The following VPS13D variants were observed in gnomAD, a reference collection of about 807,000 sequenced individuals.
The protein encoded by VPS13D is intermembrane lipid transfer protein VPS13D.
In VPS13D, 187 loss-of-function variants were observed where a neutral mutation model predicts 461.9. The observed-to-expected ratio is 0.40, with a 90% CI of 0.36 to 0.46. VPS13D has a LOEUF of 0.46. VPS13D is among the 20% of genes least tolerant of loss of function. The pLI, the probability that VPS13D is intolerant of heterozygous loss-of-function variation, is 0.60. For synonymous variants in VPS13D, 1,951 were observed against 1,986.3 expected, an observed-to-expected ratio of 0.98 and a Z score of 0.47; for missense variants, 4,711 against 5,364.9, an observed-to-expected ratio of 0.88 and a Z score of 3.81.
intron 60 of VPS13D, among the ~76,000 whole-genome samples, chr1:12,394,158 T>A (rs995420560): frequency 3.9e-5 from 6 of 152,152 alleles, no homozygotes; most frequent in African/African-American, 1.4e-4. Context: ...GGATCCGGCC[T>A]CCCCTTCATT....
At chr1:12,230,163 G>C (rs890765092) in intron 1 of VPS13D, 43 bp downstream of exon 1, 3 of 152,172 alleles carry the variant, frequency 2.0e-5, no homozygotes, top group African/African-American at 7.2e-5. Flanking sequence ...CCAGGGTCGG[G>C]AACTGCAGGG....
chr1:12,321,403 A>G (rs1643031816), intron 32 of VPS13D, among the ~76,000 whole-genome samples: 1 of 152,174 alleles, frequency 6.6e-6, no homozygotes. Context: ...CTTAAAATCC[A>G]TATGGTCTTT....
At chr1:12,445,501 G>A (rs908308615) in intron 65 of VPS13D, among the ~76,000 whole-genome samples, 2 of 152,150 alleles carry the variant, frequency 1.3e-5, no homozygotes, top group South Asian at 2.1e-4. Context: ...AAGTAGATGG[G>A]TGTGAATTTT....
intron 54 of VPS13D, among the ~76,000 whole-genome samples, chr1:12,371,019 A>G (rs1644107645): frequency 6.6e-6 from 1 of 152,260 alleles, no homozygotes; most frequent in Non-Finnish European, 1.5e-5. Flanking sequence ...CTTGGAAGGA[A>G]TAAATGATGA....
chr1:12,479,340 G>T (rs1027038104), intron 67 of VPS13D, among the ~76,000 whole-genome samples: 1 of 152,210 alleles, frequency 6.6e-6, no homozygotes, highest in Non-Finnish European at 1.5e-5. Context: ...CCTGTGCTTT[G>T]TCCATGGTGT....
At chr1:12,236,652 G>A (rs1167954732) in intron 2 of VPS13D, among the ~76,000 whole-genome samples, 1 of 152,020 alleles carries the variant, frequency 6.6e-6, no homozygotes, top group Admixed American at 6.6e-5. Flanking sequence ...CAAAGTGCTG[G>A]GATTACAGGC....
In VPS13D at chr1:12,410,645, A is replaced by G. The variant is rs563510207; in HGVS notation, c.12031-4442A>G. ...TATCTAAGAAGTTTACCAGAAAACTATAATTTTTTTAAAAAAATTATCAAA... is the reference window on the plus strand; with the variant it reads ...TATCTAAGAAGTTTACCAGAAAACTGTAATTTTTTTAAAAAAATTATCAAA... On this transcript the variant is annotated intron_variant, in intron 63 of 69. Transcript: ENST00000620676. 7.0e-4 allele frequency among the ~76,000 whole-genome samples: 107 copies of G among 152,332 alleles called. 2 individuals carry two copies. The highest frequency in any genetic ancestry group is 6.4e-3 in the South Asian group (31 of 4,834).
chr1:12,388,420 C>G (rs1160205034), intron 60 of VPS13D, among the ~76,000 whole-genome samples: 1 of 151,568 alleles, frequency 6.6e-6, no homozygotes, highest in Admixed American at 6.6e-5. Flanking sequence ...ACTAAAAATA[C>G]AAAATTAGCC....
At position 12,318,207 on chromosome 1, in the gene VPS13D, T is replaced by G. The variant is rs751521786; in HGVS notation, c.7284T>G (p.Pro2428=). 2 of 1,614,224 alleles carry G rather than the reference T, an allele frequency of 1.2e-6. No homozygotes were observed. The highest frequency in any genetic ancestry group is 1.7e-6 in the Non-Finnish European group (2 of 1,180,038). ...SDIKKQNHVT[P]SRHRNSSSES... is the part of the protein sequence containing the mutation. Reference sequence around the variant, plus strand: ...TTAAGAAACAAAATCATGTTACTCCTTCTCGCCACCGTAACTCTAGCAGCG... The same window carrying G: ...TTAAGAAACAAAATCATGTTACTCCGTCTCGCCACCGTAACTCTAGCAGCG... The change falls in exon 31 of 70, where the codon CCT becomes CCG. Residue 2428 remains proline (P), a synonymous_variant. Coordinates refer to ENST00000620676, the MANE Select transcript of VPS13D (RefSeq NM_015378.4).
intron 67 of VPS13D, among the ~76,000 whole-genome samples, chr1:12,468,661 TTTC>T (rs1645523578): frequency 1.3e-5 from 2 of 152,246 alleles, no homozygotes. Context: ...TCAAAGACAT[TTTC>T]TTGCTAAATT....
intron 55 of VPS13D, among the ~76,000 whole-genome samples, chr1:12,375,851 C>T (rs958613089): frequency 6.6e-6 from 1 of 152,206 alleles, no homozygotes; most frequent in African/African-American, 2.4e-5. Context: ...CCACCCCAAC[C>T]CCCATCCCCA....
intron 18 of VPS13D, among the ~76,000 whole-genome samples, chr1:12,274,265 C>G (rs1207797456): frequency 1.3e-5 from 2 of 152,228 alleles, no homozygotes; most frequent in African/African-American, 2.4e-5. Context: ...GGTCTCAACT[C>G]CTGGCCTCAG....
At chr1:12,378,640 G>T (rs367621376) in intron 56 of VPS13D, 49 bp downstream of exon 56, 2 of 1,443,554 alleles carry the variant, frequency 1.4e-6, no homozygotes, top group South Asian at 3.1e-5. Flanking sequence ...TTCAAATTCA[G>T]ACTCAGAGGA....
chr1:12,508,360 G>A (rs186776737), intron 69 of VPS13D, among the ~76,000 whole-genome samples: 2 of 152,044 alleles, frequency 1.3e-5, no homozygotes, highest in East Asian at 1.9e-4. Flanking sequence ...CCGTGGGGGG[G>A]AGTTCCCAAA....
At position 12,311,924 on chromosome 1, in the gene VPS13D, A is replaced by G. The variant is rs894920408; in HGVS notation, c.6934A>G (p.Arg2312Gly). The G allele has an allele frequency of 1.2e-6, 2 of 1,610,604 alleles. No individual in the cohort carries two copies. The highest frequency in any genetic ancestry group is 1.7e-6 in the Non-Finnish European group (2 of 1,177,236). The change falls in exon 29 of 70, where the codon AGA becomes GGA. Residue 2312 changes from arginine to glycine, a missense_variant and splice_region_variant. By Grantham distance (125) the Arg-to-Gly change is moderately radical. Coordinates refer to ENST00000620676, the MANE Select transcript of VPS13D (RefSeq NM_015378.4). ...AAAAGAAGGTGCTGGGTCCCTAGCC[A>G]GGTATGCCTTTGATTATATTATTAT... is the stretch of plus-strand genomic sequence containing the variant. Reference protein sequence around the residue: ...KRKEGAGSLARFDFKKCKLLY... With the variant: ...KRKEGAGSLAGFDFKKCKLLY...
In VPS13D at chr1:12,262,054, G is replaced by A. The variant is rs746227230; in HGVS notation, c.1568G>A (p.Ser523Asn). 1.2e-6 allele frequency: 2 copies of A among 1,612,810 alleles called. No homozygotes were observed. The highest frequency in any genetic ancestry group is 1.3e-5 in the African/African-American group (1 of 75,026). ...CAAGGAACTCCTCAAATGAATGAAA[G>A]TGCTTTCATGCAGCTCGAGTTTTCA... ...KEQGTPQMNESAFMQLEFSDV... is the reference protein window; with the variant it reads ...KEQGTPQMNENAFMQLEFSDV... Residue 523 changes from serine to asparagine, a missense_variant, in exon 13 of 70, where the codon AGT becomes AAT. Physicochemically the swap from Ser to Asn is conservative, Grantham distance 46. Coordinates refer to ENST00000620676, the MANE Select transcript of VPS13D (RefSeq NM_015378.4).
chr1:12,501,480 G>A (rs989743925), intron 68 of VPS13D, among the ~76,000 whole-genome samples: 3 of 152,170 alleles, frequency 2.0e-5, no homozygotes, highest in Non-Finnish European at 4.4e-5. Flanking sequence ...TTAAAGGTTT[G>A]CTAAATCTTT....
In VPS13D at chr1:12,333,258, T is replaced by C. The variant is rs1643375289; in HGVS notation, c.8320T>C (p.Ser2774Pro). The change falls in exon 38 of 70, where the codon TCT becomes CCT. Residue 2774 changes from serine to proline, a missense_variant. By Grantham distance (74) the Ser-to-Pro change is moderately conservative. Transcript: ENST00000620676. Reference protein sequence around the residue: ...WEPFIEPWPCSVSWQQQAASR... With the variant: ...WEPFIEPWPCPVSWQQQAASR... ...GCCATTTATTGAGCCTTGGCCATGCTCTGTATCCTGGCAACAGCAGGCAGC... is the reference window on the plus strand; with the variant it reads ...GCCATTTATTGAGCCTTGGCCATGCCCTGTATCCTGGCAACAGCAGGCAGC... 6.2e-7 allele frequency: 1 copy of C among 1,613,990 alleles called. No homozygotes were observed. The highest frequency in any genetic ancestry group is 8.5e-7 in the Non-Finnish European group (1 of 1,179,946).
chr1:12,493,358 C>T (rs1570279674), intron 67 of VPS13D, among the ~76,000 whole-genome samples: 1 of 151,928 alleles, frequency 6.6e-6, no homozygotes, highest in East Asian at 1.9e-4. Context: ...TGGCGGGCGC[C>T]TCTAATCCCA....
Sources: gnomAD v4.1 joint callset for allele counts (sites outside exome capture counted in the v4.1 genomes callset) on GRCh38, gnomAD v4.1.1 for gene constraint, MANE v1.5 for transcripts, NCBI Gene and HGNC (gene_info 2026-07-23, HGNC 2026-07-21) for gene names.